ILK: variants seen among roughly 807,000 people sequenced by gnomAD.
The protein encoded by ILK is scaffold protein ILK.
ILK carries 37 observed loss-of-function variants against 57.8 expected under a neutral mutation model. The observed-to-expected ratio is 0.64, with a 90% confidence interval of 0.49 to 0.84. The LOEUF (loss-of-function observed/expected upper bound fraction) is 0.84. Among genes scored for constraint, ILK ranks in the 40% least tolerant of loss-of-function variants. The probability of loss-of-function intolerance (pLI) is 0.00; values close to 1 mark genes in which losing one functional copy is unlikely to be tolerated. For missense variants in ILK, 528 were observed against 595.7 expected (o/e 0.89, Z 1.18); for synonymous variants, 231 against 202.2 (o/e 1.14, Z -1.21).
chr11:6,605,160 T>C (rs557930183), intron 2 of ILK, among the ~76,000 whole-genome samples: 2 of 152,074 alleles, frequency 1.3e-5, no homozygotes, highest in Admixed American at 6.6e-5. Context: ...AAATGTTGAG[T>C]GTGTTGTTGG....
intron 2 of ILK, chr11:6,607,462 A>G (rs546520570): frequency 6.2e-6 from 1 of 160,630 alleles, no homozygotes; most frequent in South Asian, 1.7e-4. Context: ...ACCCTTCCAA[A>G]ACATCATTTA....
intron 11 of ILK, 31 bp downstream of exon 11, chr11:6,610,066 A>G: frequency 1.2e-6 from 2 of 1,614,108 alleles, no homozygotes. Flanking sequence ...GGGAGGTAAA[A>G]AAGGACCACC....
chr11:6,604,823 A>G (rs966427942), intron 2 of ILK: 7 of 458,146 alleles, frequency 1.5e-5, no homozygotes, highest in African/African-American at 1.4e-4. Context: ...AAAGCTGTAT[A>G]GTGACATAAT....
Position 6,610,570 on chromosome 11 carries a change from G to C in ILK, c.1318G>C (p.Asp440His). Residue 440 changes from aspartate to histidine, a missense_variant, in exon 13 of 13, where the codon GAC becomes CAC. By Grantham distance (81) the Asp-to-His change is moderately conservative. Transcript: ENST00000299421. The stretch of plus-strand genomic sequence containing the variant: ...AGACCCTGCAAAGCGACCCAAATTT[G>C]ACATGATTGTGCCTATCCTTGAGAA... Reference protein sequence around the residue: ...NEDPAKRPKFDMIVPILEKMQ... With the variant: ...NEDPAKRPKFHMIVPILEKMQ... 1 of 1,614,210 alleles carries C rather than the reference G, an allele frequency of 6.2e-7. No homozygotes were observed. Among genetic ancestry groups the C allele is most frequent in the Non-Finnish European group, 8.5e-7 (1 of 1,180,038 alleles).
At position 6,604,378 on chromosome 11, in the gene ILK, G is replaced by A. The variant is rs779185383; in HGVS notation, c.89+18G>A. 7 of 1,588,474 alleles carry A rather than the reference G, an allele frequency of 4.4e-6. No individual in the cohort carries two copies. Among genetic ancestry groups the A allele is most frequent in the Non-Finnish European group, 6.0e-6 (7 of 1,165,846 alleles). ...AACCAGGGGTGAGCTGAAACGGTTG[G>A]TGGATGAGAGGAAGGCTAGAGATCT... On this transcript the variant is annotated intron_variant, in intron 2 of 12. Coordinates refer to ENST00000299421, the MANE Select transcript of ILK (RefSeq NM_004517.4).
rs142708585 is a variant in ILK at position 6,609,326 on chromosome 11, G to T, written c.646G>T (p.Asp216Tyr). 1 of 1,614,162 alleles carries T rather than the reference G, an allele frequency of 6.2e-7. No individual in the cohort carries two copies. The highest frequency in any genetic ancestry group is 8.5e-7 in the Non-Finnish European group (1 of 1,180,034). Residue 216 changes from aspartate to tyrosine, a missense_variant, in exon 8 of 13, where the codon GAC (aspartate) becomes TAC (tyrosine). Asp to Tyr is a radical substitution (Grantham distance 160). Coordinates refer to ENST00000299421, the MANE Select transcript of ILK (RefSeq NM_004517.4). ...ATGGAAGGGCCGCTGGCAGGGCAAT[G>T]ACATTGTCGTGAAGGTGCTGAAGGT... ...ELWKGRWQGN[D>Y]IVVKVLKVRD...
At chr11:6,605,280 A>G (rs1854751570) in intron 2 of ILK, among the ~76,000 whole-genome samples, 1 of 152,142 alleles carries the variant, frequency 6.6e-6, no homozygotes, top group Admixed American at 6.5e-5. Flanking sequence ...ATACTTGAAG[A>G]CGTGGTTGTG....
Position 6,610,669 on chromosome 11 carries a change from C to T in ILK, c.*58C>T. ...GTCGGGACATGGTTGGGGGAATGCA[C>T]CTCCCCAAAGCAGCAGGCCTCTGGT... is the stretch of plus-strand genomic sequence containing the variant. On this transcript the variant is annotated 3_prime_UTR_variant, in exon 13 of 13. Transcript: ENST00000299421. The T allele has an allele frequency of 6.2e-7, 1 of 1,602,306 alleles. No homozygotes were observed. Among genetic ancestry groups the T allele is most frequent in the Non-Finnish European group, 8.5e-7 (1 of 1,170,134 alleles).
In ILK at chr11:6,610,750, C is replaced by G; in HGVS notation, c.*139C>G. On this transcript the variant is annotated 3_prime_UTR_variant, in exon 13 of 13. Coordinates refer to ENST00000299421, the MANE Select transcript of ILK (RefSeq NM_004517.4). ...CCCAGCCATGGGGTCCATCCCCTTC[C>G]CCCATCCCTACCACTGTGGCCCCAA... 1 of 1,342,990 alleles carries G rather than the reference C, an allele frequency of 7.4e-7. No individual in the cohort carries two copies. The highest frequency in any genetic ancestry group is 2.4e-5 in the East Asian group (1 of 42,212). The allele number at this position is 1,342,990 out of a possible 1,614,324, so 83.2% of individuals were successfully genotyped here.
Position 6,609,152 on chromosome 11 carries a change from G to C in ILK, c.614G>C (p.Gly205Ala). ...ACGAAGCTCAACGAGAATCACTCTG[G>C]AGAGGTGACCCCTGCCCTTCTTGCC... The part of the protein sequence containing the change: ...FLTKLNENHS[G>A]ELWKGRWQGN... The change falls in exon 7 of 13, where the codon GGA becomes GCA. Residue 205 changes from glycine (G) to alanine (A), a missense_variant. Gly to Ala is a moderately conservative substitution (Grantham distance 60, BLOSUM62 0). Coordinates refer to ENST00000299421, the MANE Select transcript of ILK (RefSeq NM_004517.4). 1 of 1,613,762 alleles carries C rather than the reference G, an allele frequency of 6.2e-7. No homozygotes were observed. Among genetic ancestry groups the C allele is most frequent in the African/African-American group, 1.3e-5 (1 of 75,032 alleles).
At chr11:6,610,435 A>T in intron 12 of ILK, 27 bp from the exon 13 acceptor site, 1 of 1,614,124 alleles carries the variant, frequency 6.2e-7, no homozygotes, top group East Asian at 2.2e-5. Context: ...TCAAATTGTG[A>T]GGCTGCTTTT....
At position 6,610,199 on chromosome 11, in the gene ILK, G is replaced by C; in HGVS notation, c.1130G>C (p.Ser377Thr). ...DTNRRSADMW[S>T]FAVLLWELVT... is the part of the protein sequence containing the mutation. ...AACAGACGCTCAGCAGACATGTGGA[G>C]TTTTGCAGTGCTTCTGTGGGAACTG... is the stretch of plus-strand genomic sequence containing the variant. The change falls in exon 12 of 13, where the codon AGT becomes ACT. Residue 377 changes from serine (S) to threonine (T), a missense_variant. Transcript: ENST00000299421. The C allele has an allele frequency of 6.2e-7, 1 of 1,614,228 alleles. No individual in the cohort carries two copies. Among genetic ancestry groups the C allele is most frequent in the Non-Finnish European group, 8.5e-7 (1 of 1,180,036 alleles).
Position 6,608,950 on chromosome 11 carries a change from C to A in ILK, c.515C>A (p.Thr172Asn), listed in dbSNP as rs756271344. 1.2e-6 allele frequency: 2 copies of A among 1,614,066 alleles called. No homozygotes were observed. Among genetic ancestry groups the A allele is most frequent in the Non-Finnish European group, 8.5e-7 (1 of 1,180,018 alleles). Residue 172 changes from threonine to asparagine, a missense_variant, in exon 6 of 13, where the codon ACC (threonine) becomes AAC (asparagine). Transcript: ENST00000299421. This position sits in a 1 kb window ranked among gnomAD's most constrained non-coding sequence, Gnocchi z 4.9. The part of the protein sequence containing the change: ...IPYKDTFWKG[T>N]TRTRPRNGTL... ...TACAAGGACACATTCTGGAAGGGGA[C>A]CACCCGCACTCGGCCCCGTGAGTCA...
intron 6 of ILK, 31 bp from the exon 7 acceptor site, chr11:6,609,040 A>G: frequency 6.2e-7 from 1 of 1,612,304 alleles, no homozygotes; most frequent in South Asian, 1.1e-5. Context: ...GTTAGGGTGA[A>G]GCTGGGTACC....
At position 6,610,191 on chromosome 11, in the gene ILK, C is replaced by T. The variant is rs1237951284; in HGVS notation, c.1122C>T (p.Asp374=). The change falls in exon 12 of 13, where the codon GAC becomes GAT. Residue 374 remains aspartate, a synonymous_variant. Coordinates refer to ENST00000299421, the MANE Select transcript of ILK (RefSeq NM_004517.4). ...KPEDTNRRSA[D]MWSFAVLLWE... ...AAGACACAAACAGACGCTCAGCAGA[C>T]ATGTGGAGTTTTGCAGTGCTTCTGT... is the stretch of plus-strand genomic sequence containing the variant. 4 of 1,614,134 alleles carry T rather than the reference C, an allele frequency of 2.5e-6. No homozygotes were observed. Among genetic ancestry groups the T allele is most frequent in the Admixed American group, 1.7e-5 (1 of 60,010 alleles).
chr11:6,608,309 C>T lies in ILK; in HGVS notation c.256-85C>T. 6.4e-7 allele frequency: 1 copy of T among 1,566,376 alleles called. No individual in the cohort carries two copies. Among genetic ancestry groups the T allele is most frequent in the Non-Finnish European group, 8.8e-7 (1 of 1,136,564 alleles). On this transcript the variant is annotated intron_variant, in intron 3 of 12. Transcript: ENST00000299421. The surrounding 1 kb of genome is among the most constrained non-coding windows in gnomAD (Gnocchi z 4.9). ...AGTAGAAAGCATGTGTGCTCTTCCC[C>T]CTTTTCCCATGCCCTGACACCAGTA...
In ILK at chr11:6,609,764, G is replaced by C; in HGVS notation, c.897G>C (p.Leu299Phe). The C allele has an allele frequency of 6.2e-7, 1 of 1,614,158 alleles. No individual in the cohort carries two copies. The highest frequency in any genetic ancestry group is 8.5e-7 in the Non-Finnish European group (1 of 1,180,020). Residue 299 changes from leucine to phenylalanine, a missense_variant, in exon 10 of 13, where the codon TTG becomes TTC. By Grantham distance (22) the Leu-to-Phe change is conservative. Coordinates refer to ENST00000299421, the MANE Select transcript of ILK (RefSeq NM_004517.4). ...AGAGCCAGGCTGTGAAGTTTGCTTT[G>C]GACATGGCAAGGGGCATGGCCTTCC... Reference protein sequence around the residue: ...VDQSQAVKFALDMARGMAFLH... With the variant: ...VDQSQAVKFAFDMARGMAFLH...
intron 2 of ILK, 73 bp downstream of exon 2, chr11:6,604,433 CTGGTGGTGG>C: frequency 7.4e-7 from 1 of 1,355,534 alleles, no homozygotes; most frequent in Non-Finnish European, 1.0e-6. Context: ...GTGCTCATGT[CTGGTGGTGG>C]CGGCTGCCTT....
At position 6,608,319 on chromosome 11, in the gene ILK, T is replaced by C; in HGVS notation, c.256-75T>C. ...ATGTGTGCTCTTCCCCCTTTTCCCA[T>C]GCCCTGACACCAGTATCTCATTTGG... is the stretch of plus-strand genomic sequence containing the variant. On this transcript the variant is annotated intron_variant, in intron 3 of 12. Coordinates refer to ENST00000299421, the MANE Select transcript of ILK (RefSeq NM_004517.4). This position sits in a 1 kb window ranked among gnomAD's most constrained non-coding sequence, Gnocchi z 4.9. 1 of 1,570,180 alleles carries C rather than the reference T, an allele frequency of 6.4e-7. No homozygotes were observed. Among genetic ancestry groups the C allele is most frequent in the Non-Finnish European group, 8.8e-7 (1 of 1,140,074 alleles).
Sources: allele counts gnomAD v4.1 joint callset (sites outside exome capture counted in the v4.1 genomes callset), GRCh38; gene constraint gnomAD v4.1.1; non-coding constraint Gnocchi (gnomAD v3.1); transcripts MANE v1.5; gene names NCBI Gene and HGNC (gene_info 2026-07-23, HGNC 2026-07-21).